CADPS2: variants seen among roughly 807,000 people sequenced by gnomAD.
CADPS2 encodes the protein calcium dependent secretion activator 2, also known as calcium-dependent secretion activator 2.
Under a neutral mutation model 172.5 loss-of-function variants are expected in CADPS2, and 93 were observed. The observed-to-expected ratio is 0.54, with a 90% CI of 0.46 to 0.64. CADPS2 has a LOEUF of 0.64. Among genes scored for constraint, CADPS2 ranks in the 30% least tolerant of loss-of-function variants. CADPS2 has a pLI of 0.00. For synonymous variants in CADPS2, 546 were observed against 555.2 expected, an observed-to-expected ratio of 0.98 and a Z score of 0.23; for missense variants, 1,420 against 1,565.9, an observed-to-expected ratio of 0.91 and a Z score of 1.57.
At chr7:122,408,953 A>T (rs2046991222) in intron 19 of CADPS2, among the ~76,000 whole-genome samples, 1 of 152,254 alleles carries the variant, frequency 6.6e-6, no homozygotes, top group Non-Finnish European at 1.5e-5. Flanking sequence ...AAGGAAGAAC[A>T]GTGTAGTATA....
intron 1 of CADPS2, among the ~76,000 whole-genome samples, chr7:122,757,969 T>G (rs2093234407): frequency 6.6e-6 from 1 of 152,134 alleles, no homozygotes; most frequent in Non-Finnish European, 1.5e-5. Flanking sequence ...TAGCTACGAT[T>G]TTTCCAAGAT....
chr7:122,379,275 AT>A (rs201225252), intron 25 of CADPS2, 92 bp downstream of exon 25: 21 of 813,838 alleles, frequency 2.6e-5, no homozygotes, highest in Non-Finnish European at 3.7e-5. Flanking sequence ...TTTAAACTAC[AT>A]TTTTTCTCAA....
intron 10 of CADPS2, 50 bp from the exon 11 acceptor site, chr7:122,490,331 T>C: frequency 6.5e-7 from 1 of 1,537,752 alleles, no homozygotes; most frequent in Non-Finnish European, 9.0e-7. Context: ...GATTGGCAGA[T>C]TTTCGTCTCA....
chr7:122,712,209 C>T (rs542572686), intron 2 of CADPS2, among the ~76,000 whole-genome samples: 8 of 152,138 alleles, frequency 5.3e-5, no homozygotes, highest in South Asian at 2.1e-4. Flanking sequence ...ATAAGATTTT[C>T]GAGGGCAGGA....
intron 27 of CADPS2, among the ~76,000 whole-genome samples, chr7:122,352,320 G>GA (rs2038792710): frequency 6.6e-6 from 1 of 152,172 alleles, no homozygotes; most frequent in Non-Finnish European, 1.5e-5. Flanking sequence ...ATGAGGACTT[G>GA]AAGAAGTAAA....
chr7:122,450,521 CTTTTTTTTTTTT>C (rs11422329), intron 15 of CADPS2, among the ~76,000 whole-genome samples: 991 of 79,164 alleles, frequency 0.013, 13 homozygotes, highest in African/African-American at 0.043. Flanking sequence ...TATTGGTGGC[CTTTTTTTTTTTT>C]TTTTTTTTTT....
chr7:122,395,243 AG>A (rs1239571294), intron 20 of CADPS2, among the ~76,000 whole-genome samples: 1 of 152,212 alleles, frequency 6.6e-6, no homozygotes, highest in East Asian at 1.9e-4. Context: ...GGACAACTAC[AG>A]GCACATAAAT....
At chr7:122,420,377 T>C (rs2048403128) in intron 17 of CADPS2, among the ~76,000 whole-genome samples, 1 of 152,198 alleles carries the variant, frequency 6.6e-6, no homozygotes, top group African/African-American at 2.4e-5. Context: ...TTCTAAAACA[T>C]TTATTCTTTC....
intron 1 of CADPS2, among the ~76,000 whole-genome samples, chr7:122,739,067 C>T (rs2092338297): frequency 6.6e-6 from 1 of 152,112 alleles, no homozygotes; most frequent in Admixed American, 6.5e-5. Flanking sequence ...AAATTAAGTT[C>T]ATGACTTTAG....
chr7:122,529,213 A>T (rs2131276146), intron 8 of CADPS2, among the ~76,000 whole-genome samples: 1 of 151,898 alleles, frequency 6.6e-6, no homozygotes, highest in South Asian at 2.1e-4. Context: ...AGCACAGGAA[A>T]TCAGTACCTT....
At chr7:122,344,779 T>C (rs1478277055) in intron 28 of CADPS2, among the ~76,000 whole-genome samples, 1 of 152,164 alleles carries the variant, frequency 6.6e-6, no homozygotes, top group African/African-American at 2.4e-5. Flanking sequence ...AAATTATTAT[T>C]ATCTGGCTTT....
At chr7:122,447,644 C>G (rs2052463672) in intron 15 of CADPS2, among the ~76,000 whole-genome samples, 1 of 148,432 alleles carries the variant, frequency 6.7e-6, no homozygotes, top group African/African-American at 2.5e-5. Flanking sequence ...GCCTCTGCCT[C>G]CTAGGTTCAA....
At chr7:122,660,254 C>G (rs547105872) in intron 3 of CADPS2, among the ~76,000 whole-genome samples, 3 of 152,228 alleles carry the variant, frequency 2.0e-5, no homozygotes, top group Admixed American at 2.0e-4. Flanking sequence ...TGGATATACT[C>G]TATTATGGAG....
intron 25 of CADPS2, among the ~76,000 whole-genome samples, chr7:122,374,596 A>G (rs1332598287): frequency 6.6e-6 from 1 of 152,018 alleles, no homozygotes; most frequent in Non-Finnish European, 1.5e-5. Context: ...AAAGTTGCAG[A>G]AAAAAAATCA....
intron 7 of CADPS2, among the ~76,000 whole-genome samples, chr7:122,564,724 C>A (rs1307532904): frequency 6.6e-6 from 1 of 152,148 alleles, no homozygotes; most frequent in Non-Finnish European, 1.5e-5. Context: ...CTACGTTTAT[C>A]ACAGCGTTAG....
At chr7:122,728,737 T>A (rs1046540733) in intron 2 of CADPS2, among the ~76,000 whole-genome samples, 1 of 151,788 alleles carries the variant, frequency 6.6e-6, no homozygotes, top group Non-Finnish European at 1.5e-5. Context: ...TTATTTTAAA[T>A]TTATCTTTTG....
chr7:122,876,666 T>TTA, intron 1 of CADPS2, among the ~76,000 whole-genome samples: 1 of 152,256 alleles, frequency 6.6e-6, no homozygotes, highest in East Asian at 1.9e-4. Flanking sequence ...CTCCACCATT[T>TTA]TATATATATA....
chr7:122,821,444 C>G (rs890179825), intron 1 of CADPS2, among the ~76,000 whole-genome samples: 4 of 152,128 alleles, frequency 2.6e-5, no homozygotes, highest in Non-Finnish European at 5.9e-5. Flanking sequence ...ACATCAAGCT[C>G]AAGGATTTGC....
intron 15 of CADPS2, among the ~76,000 whole-genome samples, chr7:122,444,782 G>T (rs192989817): frequency 6.6e-6 from 1 of 152,078 alleles, no homozygotes; most frequent in Non-Finnish European, 1.5e-5. Context: ...TTGGAAGATC[G>T]AAAGTTCTCA....
Sources: gnomAD v4.1 joint callset for allele counts (sites outside exome capture counted in the v4.1 genomes callset) on GRCh38, gnomAD v4.1.1 for gene constraint, MANE v1.5 for transcripts, NCBI Gene and HGNC (gene_info 2026-07-23, HGNC 2026-07-21) for gene names.